NRG3: variants seen among roughly 807,000 people sequenced by gnomAD.
NRG3 encodes pro-neuregulin-3, membrane-bound isoform.
NRG3 carries 31 observed loss-of-function variants against 66.9 expected under a neutral mutation model. That is an observed-to-expected ratio of 0.46 (90% confidence interval 0.35 to 0.63). The LOEUF is 0.63. Among genes scored for constraint, NRG3 ranks in the 20% least tolerant of loss-of-function variants. The pLI is 0.00. For synonymous variants in NRG3, 393 were observed against 359.4 expected (o/e 1.09, Z -1.06); for missense variants, 910 against 878.9 (o/e 1.04, Z -0.45).
Position 81,885,429 on chromosome 10 carries a change from C to T in NRG3, c.823+9266C>T, listed in dbSNP as rs568308307. 7.2e-4 allele frequency among the ~76,000 whole-genome samples: 110 copies of T among 152,204 alleles called. 1 individual carries two copies. The South Asian group carries it at 0.013, about 18-fold the overall frequency. The stretch of plus-strand genomic sequence containing the variant: ...TGAATTCCATCTTGGAGCCACACTG[C>T]GAAGTACCCATCACTGATTATCTAC... On this transcript the variant is annotated intron_variant, in intron 1 of 8. Transcript: ENST00000372141.
chr10:82,138,128 T>G (rs2069500711), intron 1 of NRG3, among the ~76,000 whole-genome samples: 1 of 152,174 alleles, frequency 6.6e-6, no homozygotes, highest in Admixed American at 6.6e-5. Flanking sequence ...ATCTATGATT[T>G]TCCTTAATTC....
intron 1 of NRG3, among the ~76,000 whole-genome samples, chr10:82,219,762 G>T (rs754155810): frequency 2.4e-4 from 37 of 151,836 alleles, no homozygotes; most frequent in Non-Finnish European, 4.0e-4. Flanking sequence ...CTTATTATTC[G>T]TAGGTACACA....
intron 2 of NRG3, among the ~76,000 whole-genome samples, chr10:82,420,180 C>T (rs898896637): frequency 3.3e-5 from 5 of 152,034 alleles, no homozygotes; most frequent in African/African-American, 9.7e-5. Flanking sequence ...ATTTGTTTTT[C>T]GTGCTTCAAT....
chr10:82,198,580 T>G (rs1210134651), intron 1 of NRG3, among the ~76,000 whole-genome samples: 1 of 152,214 alleles, frequency 6.6e-6, no homozygotes, highest in African/African-American at 2.4e-5. Flanking sequence ...AAAGGCCATA[T>G]TTCTCTCTGA....
At chr10:82,832,940 C>T (rs2062601321) in intron 3 of NRG3, among the ~76,000 whole-genome samples, 1 of 152,002 alleles carries the variant, frequency 6.6e-6, no homozygotes, top group African/African-American at 2.4e-5. Flanking sequence ...AAAGCGAGTA[C>T]AAACCTGTGC....
chr10:82,218,078 A>G (rs922027664), intron 1 of NRG3, among the ~76,000 whole-genome samples: 9 of 152,144 alleles, frequency 5.9e-5, no homozygotes, highest in African/African-American at 2.2e-4. Context: ...TGAAATATTG[A>G]TGAACTAAAA....
intron 2 of NRG3, among the ~76,000 whole-genome samples, chr10:82,519,503 C>A (rs939897526): frequency 6.6e-6 from 1 of 152,096 alleles, no homozygotes. Context: ...TTTATTTAAA[C>A]CATGACTTTC....
intron 1 of NRG3, among the ~76,000 whole-genome samples, chr10:81,892,212 G>A (rs1843072555): frequency 6.6e-6 from 1 of 151,918 alleles, no homozygotes; most frequent in Non-Finnish European, 1.5e-5. Context: ...CCAAGTGTGT[G>A]TGTCTCTTTG....
At chr10:82,868,839 C>T (rs1179302595) in intron 4 of NRG3, among the ~76,000 whole-genome samples, 1 of 152,032 alleles carries the variant, frequency 6.6e-6, no homozygotes, top group African/African-American at 2.4e-5. Context: ...ATTACAGGCG[C>T]CTGCCACCAC....
intron 3 of NRG3, among the ~76,000 whole-genome samples, chr10:82,840,838 G>A (rs73309168): frequency 0.049 from 7,483 of 152,048 alleles, 245 homozygotes; most frequent in African/African-American, 0.093. Context: ...CTTCTGCCTC[G>A]TGTCTTTTTT....
chr10:82,919,260 G>A (rs180865123), intron 4 of NRG3, among the ~76,000 whole-genome samples: 3 of 152,230 alleles, frequency 2.0e-5, no homozygotes, highest in African/African-American at 7.2e-5. Flanking sequence ...ACATACGTGT[G>A]CACCCTTCTG....
intron 1 of NRG3, among the ~76,000 whole-genome samples, chr10:82,315,458 C>T (rs2081243777): frequency 2.6e-5 from 4 of 152,138 alleles, no homozygotes; most frequent in South Asian, 2.1e-4. Context: ...GCAGATAAAA[C>T]GACATGATCT....
chr10:82,080,115 G>T (rs116895362), intron 1 of NRG3, among the ~76,000 whole-genome samples: 1,712 of 152,190 alleles, frequency 0.011, 11 homozygotes, highest in Non-Finnish European at 0.018. Flanking sequence ...CTTTGCGTGG[G>T]CCTGAGTTCT....
intron 3 of NRG3, among the ~76,000 whole-genome samples, chr10:82,807,604 A>C (rs1345290012): frequency 6.6e-6 from 1 of 152,210 alleles, no homozygotes; most frequent in Non-Finnish European, 1.5e-5. Context: ...CAACATCAGC[A>C]TCATCTGGGA....
chr10:82,444,600 A>C (rs1050305669), intron 2 of NRG3, among the ~76,000 whole-genome samples: 1 of 152,218 alleles, frequency 6.6e-6, no homozygotes, highest in Non-Finnish European at 1.5e-5. Flanking sequence ...CTTCTTGATT[A>C]GAGCTAGACA....
At chr10:82,730,145 G>A (rs1429721362) in intron 2 of NRG3, among the ~76,000 whole-genome samples, 1 of 150,196 alleles carries the variant, frequency 6.7e-6, no homozygotes, top group African/African-American at 2.5e-5. Context: ...GAGCGCAGGG[G>A]GTCGATCTCG....
intron 2 of NRG3, among the ~76,000 whole-genome samples, chr10:82,453,602 A>G (rs563066131): frequency 4.6e-5 from 7 of 152,198 alleles, no homozygotes; most frequent in African/African-American, 1.4e-4. Flanking sequence ...TGTGCAAGGT[A>G]TCAATGGCAC....
intron 1 of NRG3, among the ~76,000 whole-genome samples, chr10:82,008,041 G>T (rs532589728): frequency 9.9e-5 from 15 of 152,036 alleles, no homozygotes; most frequent in Non-Finnish European, 2.1e-4. Context: ...TCACCAATTT[G>T]CCAGGCACAG....
intron 2 of NRG3, among the ~76,000 whole-genome samples, chr10:82,715,770 G>T (rs934868890): frequency 6.6e-6 from 1 of 152,126 alleles, no homozygotes; most frequent in Non-Finnish European, 1.5e-5. Context: ...TCATAGACCA[G>T]TGTCTTATAA....
Sources: gnomAD v4.1 joint callset for allele counts (sites outside exome capture counted in the v4.1 genomes callset) on GRCh38, gnomAD v4.1.1 for gene constraint, MANE v1.5 for transcripts, NCBI Gene and HGNC (gene_info 2026-07-23, HGNC 2026-07-21) for gene names.